Variants in SCGB2B2 observed in about 807,000 individuals in gnomAD.
SCGB2B2 encodes the protein secretoglobin family 2B member 2, also known as secretoglobin-like protein.
Under a neutral mutation model 7.6 loss-of-function variants are expected in SCGB2B2, and 11 were observed. The ratio of observed to expected loss-of-function variants is 1.45; its 90% CI spans 0.91 to 2.40. The LOEUF (loss-of-function observed/expected upper bound fraction) is 2.40. SCGB2B2 is among the 30% of genes most tolerant of loss of function. The pLI is 0.00. For synonymous variants in SCGB2B2, 50 were observed against 48.6 expected (o/e 1.03, Z -0.12); for missense variants, 104 against 115.4 (o/e 0.90, Z 0.45).
chr19:34,643,081 T>A (rs1249904631), intron 1 of SCGB2B2, among the ~76,000 whole-genome samples: 1 of 152,168 alleles, frequency 6.6e-6, no homozygotes, highest in African/African-American at 2.4e-5. Context: ...AAGGAGGAAG[T>A]CAGTCTATCA....
At position 34,670,276 on chromosome 19, in the gene SCGB2B2, C is replaced by G. The variant is rs542096533; in HGVS notation, c.-2032+5354G>C. On this transcript the variant is annotated intron_variant, in intron 1 of 3. Coordinates refer to ENST00000601241, the MANE Select transcript of SCGB2B2 (RefSeq NM_001025591.4). The stretch of plus-strand genomic sequence containing the variant: ...ACAGAAAATAAAAAGCATAATTACA[C>G]CAAGTCGCAGAGTAAGTGGATGTTT... 3.9e-5 allele frequency among the ~76,000 whole-genome samples: 6 copies of G among 152,290 alleles called. No individual in the cohort carries two copies. The South Asian group carries it at 1.2e-3, about 32-fold the overall frequency.
intron 1 of SCGB2B2, among the ~76,000 whole-genome samples, chr19:34,668,230 G>C (rs2067692501): frequency 6.6e-6 from 1 of 152,198 alleles, no homozygotes; most frequent in Admixed American, 6.5e-5. Context: ...TGAGCGTGGC[G>C]CTTGCGAGCC....
Position 34,674,551 on chromosome 19 carries a change from T to C in SCGB2B2, c.-2032+1079A>G, listed in dbSNP as rs566512877. Among the ~76,000 whole-genome samples the C allele has an allele frequency of 1.1e-3, 164 of 152,294 alleles. 3 individuals are homozygous for C. The highest frequency in any genetic ancestry group is 3.9e-3 in the African/African-American group (160 of 41,552). ...TTAAAATGTCCTGGAGAGATAATTA[T>C]GAATGGGCAATAGATCGGAATAAAT... On this transcript the variant is annotated intron_variant, in intron 1 of 3. Transcript: ENST00000601241.
chr19:34,676,188 C>G lies in SCGB2B2; in HGVS notation c.-2590G>C, dbSNP rs1258641207. ...GAGTGCTGACTGGTGCATTTACAAA[C>G]CTTTAGCTAGACACAGAGCACTGAT... On this transcript the variant is annotated 5_prime_UTR_variant, in exon 1 of 4. Coordinates refer to ENST00000601241, the MANE Select transcript of SCGB2B2 (RefSeq NM_001025591.4). The G allele has an allele frequency of 6.6e-6, 1 of 152,186 alleles. No individual in the cohort carries two copies. The highest frequency in any genetic ancestry group is 2.4e-5 in the African/African-American group (1 of 41,428). The allele number at this position is 152,186 out of a possible 1,614,324, so 9.4% of individuals were successfully genotyped here. A position where few individuals can be genotyped will look rare whatever the true frequency, so the allele number is the denominator to read the frequency against.
intron 1 of SCGB2B2, among the ~76,000 whole-genome samples, chr19:34,617,297 T>C (rs2066111237): frequency 6.6e-6 from 1 of 150,768 alleles, no homozygotes; most frequent in Non-Finnish European, 1.5e-5. Context: ...TTTCACGACA[T>C]TGATTCTTCC....
At chr19:34,656,932 T>C (rs1438068525) in intron 1 of SCGB2B2, among the ~76,000 whole-genome samples, 1 of 151,198 alleles carries the variant, frequency 6.6e-6, no homozygotes, top group African/African-American at 2.5e-5. Context: ...CTATCTAACA[T>C]TGTACTAGAG....
chr19:34,658,324 C>T (rs1429970319), intron 1 of SCGB2B2, among the ~76,000 whole-genome samples: 1 of 151,844 alleles, frequency 6.6e-6, no homozygotes, highest in South Asian at 2.1e-4. Context: ...GGTTTTTTGA[C>T]AAGATCAACA....
intron 1 of SCGB2B2, among the ~76,000 whole-genome samples, chr19:34,667,907 C>A (rs995235197): frequency 1.3e-5 from 2 of 152,166 alleles, no homozygotes; most frequent in African/African-American, 4.8e-5. Context: ...CAAGCTCCCC[C>A]AGCTGCGCCC....
At chr19:34,587,427 G>C (rs965427078), downstream of SCGB2B2, among the ~76,000 whole-genome samples, 2 of 152,002 alleles carry the variant, frequency 1.3e-5, no homozygotes, top group African/African-American at 4.8e-5. Flanking sequence ...AGAGTTTTTT[G>C]GTGGTGCTTT....
At chr19:34,659,637 G>A (rs928014319) in intron 1 of SCGB2B2, among the ~76,000 whole-genome samples, 1 of 152,186 alleles carries the variant, frequency 6.6e-6, no homozygotes, top group Admixed American at 6.5e-5. Context: ...TGAAATAAAA[G>A]AGGACACAAA....
intron 1 of SCGB2B2, among the ~76,000 whole-genome samples, chr19:34,610,855 C>T (rs2065908104): frequency 6.8e-6 from 1 of 147,822 alleles, no homozygotes; most frequent in African/African-American, 2.5e-5. Context: ...TGAAAGAATT[C>T]CATTCTTTTC....
chr19:34,637,520 C>CA lies in SCGB2B2; in HGVS notation c.-2032+38109dup, dbSNP rs545508802. The stretch of plus-strand genomic sequence containing the variant: ...AAGTTCTCCAGCATCACATCGCAGA[C>CA]AGACACCGGGTCCATCGTGAGTCCC... On this transcript the variant is annotated intron_variant, in intron 1 of 3. Transcript: ENST00000601241. Among the ~76,000 whole-genome samples the CA allele has an allele frequency of 5.9e-5, 9 of 152,242 alleles. No individual in the cohort carries two copies. In the East Asian group the frequency reaches 1.7e-3, roughly 29 times the overall value.
intron 1 of SCGB2B2, among the ~76,000 whole-genome samples, chr19:34,674,567 C>T (rs1600075387): frequency 1.3e-5 from 2 of 152,070 alleles, no homozygotes. Context: ...GGCAATAGAT[C>T]GGAATAAATT....
intron 1 of SCGB2B2, among the ~76,000 whole-genome samples, chr19:34,626,464 C>T (rs10425921): frequency 0.077 from 11,717 of 152,050 alleles, 660 homozygotes; most frequent in East Asian, 0.28. Flanking sequence ...GATGAAAGCA[C>T]AAGCCTCAGT....
chr19:34,630,126 A>G (rs1203787671), intron 1 of SCGB2B2, among the ~76,000 whole-genome samples: 3 of 151,880 alleles, frequency 2.0e-5, no homozygotes, highest in Non-Finnish European at 4.4e-5. Flanking sequence ...GATGGATTAA[A>G]GACTTAAACC....
chr19:34,600,020 C>T (rs1248464313), intron 1 of SCGB2B2, among the ~76,000 whole-genome samples: 2 of 151,796 alleles, frequency 1.3e-5, no homozygotes, highest in African/African-American at 4.8e-5. Flanking sequence ...TAGAGTAGAC[C>T]ACTGTCCTGA....
At chr19:34,667,275 C>A (rs1417239823) in intron 1 of SCGB2B2, among the ~76,000 whole-genome samples, 1 of 152,154 alleles carries the variant, frequency 6.6e-6, no homozygotes, top group Non-Finnish European at 1.5e-5. Context: ...CCCATCCTAT[C>A]CCTCCTTCCC....
intron 1 of SCGB2B2, among the ~76,000 whole-genome samples, chr19:34,658,494 A>G (rs1342759238): frequency 6.6e-6 from 1 of 152,208 alleles, no homozygotes; most frequent in African/African-American, 2.4e-5. Context: ...TAAACTAGTA[A>G]ATCTAGAAGA....
At chr19:34,643,056 G>A (rs189963236) in intron 1 of SCGB2B2, among the ~76,000 whole-genome samples, 2 of 152,192 alleles carry the variant, frequency 1.3e-5, no homozygotes, top group South Asian at 2.1e-4. Context: ...TCCCAGTACC[G>A]GTTATCTATC....
Sources: gnomAD v4.1 joint callset for allele counts (sites outside exome capture counted in the v4.1 genomes callset) on GRCh38, gnomAD v4.1.1 for gene constraint, MANE v1.5 for transcripts, NCBI Gene and HGNC (gene_info 2026-07-23, HGNC 2026-07-21) for gene names.